The following KNDC1 variants were observed in gnomAD, a reference collection of about 807,000 sequenced individuals.
KNDC1 encodes kinase non-catalytic C-lobe domain containing 1.
A neutral mutation model predicts 172.8 loss-of-function variants in KNDC1; 106 were observed. The ratio of observed to expected loss-of-function variants is 0.61; its 90% CI spans 0.52 to 0.72. The LOEUF (loss-of-function observed/expected upper bound fraction) is 0.72. KNDC1 is among the 30% of genes least tolerant of loss of function. The pLI, the probability that KNDC1 is intolerant of heterozygous loss-of-function variation, is 0.00. For synonymous variants in KNDC1, 1,083 were observed against 1,062.2 expected (o/e 1.02, Z -0.38); for missense variants, 2,325 against 2,394.5 (o/e 0.97, Z 0.61).
chr10:133,212,856 G>C lies in KNDC1; in HGVS notation c.4377G>C (p.Lys1459Asn). The C allele has an allele frequency of 6.2e-7, 1 of 1,614,008 alleles. No homozygotes were observed. Among genetic ancestry groups the C allele is most frequent in the Non-Finnish European group, 8.5e-7 (1 of 1,179,964 alleles). Residue 1459 changes from lysine to asparagine, a missense_variant, in exon 24 of 30, where the codon AAG (lysine) becomes AAC (asparagine). By Grantham distance (94) the Lys-to-Asn change is moderately conservative. Transcript: ENST00000304613. ...FYGPCAKTSE[K>N]GPYFLTEYST... The stretch of plus-strand genomic sequence containing the variant: ...GCCCCTGCGCCAAGACCAGTGAGAA[G>C]GGGCCCTACTTCCTGACGGAGTACA...
At chr10:133,215,494 G>A (rs747804304) in intron 26 of KNDC1, among the ~76,000 whole-genome samples, 2 of 152,254 alleles carry the variant, frequency 1.3e-5, no homozygotes, top group Non-Finnish European at 2.9e-5. Flanking sequence ...CGGGGCGTGG[G>A]AACAGGGAGC....
intron 3 of KNDC1, among the ~76,000 whole-genome samples, chr10:133,183,097 G>A (rs1157873900): frequency 6.7e-6 from 1 of 149,192 alleles, no homozygotes; most frequent in Non-Finnish European, 1.5e-5. Flanking sequence ...GTGTGGACGT[G>A]GGTGGCGGCA....
In KNDC1 at chr10:133,199,576, C is replaced by G; in HGVS notation, c.2877C>G (p.Val959=). ...EKLLQNLFKV[V]NGQASPSPST... ...TGCTGCAGAACCTCTTTAAGGTGGT[C>G]AACGGGCAGGCGTCACCCTCCCCAA... is the stretch of plus-strand genomic sequence containing the variant. The change falls in exon 15 of 30, where the codon GTC becomes GTG. Residue 959 remains valine, a synonymous_variant. Transcript: ENST00000304613. 1 of 1,613,628 alleles carries G rather than the reference C, an allele frequency of 6.2e-7. No homozygotes were observed. Among genetic ancestry groups the G allele is most frequent in the Non-Finnish European group, 8.5e-7 (1 of 1,179,950 alleles).
At chr10:133,203,792 G>A (rs1007577077) in intron 17 of KNDC1, among the ~76,000 whole-genome samples, 3 of 152,248 alleles carry the variant, frequency 2.0e-5, no homozygotes, top group Admixed American at 1.3e-4. Context: ...TAGTTACCGT[G>A]GATTTATTAA....
intron 1 of KNDC1, 52 bp from the exon 2 acceptor site, chr10:133,167,328 CG>C: frequency 6.7e-7 from 1 of 1,502,928 alleles, no homozygotes. Flanking sequence ...GTGGGGGTGC[CG>C]GGGCCTGGCT....
At chr10:133,161,813 A>G (rs11101597) in intron 1 of KNDC1, among the ~76,000 whole-genome samples, 43,303 of 151,998 alleles carry the variant, frequency 0.28, 6,273 homozygotes, top group Admixed American at 0.33. Context: ...GGCGGCCCTG[A>G]GGACGCAGCT....
At chr10:133,201,367 G>A (rs1854358392) in intron 16 of KNDC1, 134 bp from the exon 17 acceptor site, 1 of 951,348 alleles carries the variant, frequency 1.1e-6, no homozygotes, top group Non-Finnish European at 1.6e-6. Flanking sequence ...CGTGCCCGGG[G>A]GGCGCCCGTG....
chr10:133,174,732 G>A (rs995306978), intron 3 of KNDC1, among the ~76,000 whole-genome samples: 1 of 151,994 alleles, frequency 6.6e-6, no homozygotes, highest in African/African-American at 2.4e-5. Context: ...TTAATATGTG[G>A]ATGGATGGGT....
chr10:133,199,435 T>C, intron 14 of KNDC1, 23 bp from the exon 15 acceptor site: 1 of 1,611,254 alleles, frequency 6.2e-7, no homozygotes, highest in Non-Finnish European at 8.5e-7. Flanking sequence ...ATCTCACTTG[T>C]CTCCATCGTT....
intron 16 of KNDC1, among the ~76,000 whole-genome samples, chr10:133,200,879 G>GGAT (rs1172361697): frequency 2.0e-5 from 3 of 152,200 alleles, no homozygotes; most frequent in African/African-American, 7.2e-5. Context: ...GTTAGCCCCA[G>GGAT]GATCCCAGGG....
At chr10:133,203,855 G>A (rs1647814414) in intron 17 of KNDC1, among the ~76,000 whole-genome samples, 1 of 152,232 alleles carries the variant, frequency 6.6e-6, no homozygotes, top group African/African-American at 2.4e-5. Flanking sequence ...CCCGCGTGAG[G>A]AGCGCCCCCG....
chr10:133,167,545 C>T lies in KNDC1; in HGVS notation c.267C>T (p.Thr89=). ...CGCCCGACACCCTGGCCTTCAACAC[C>T]AGCGGGAACGTGTGTTTCATGGAGC... ...CITPDTLAFN[T]SGNVCFMEQL... The change falls in exon 2 of 30, where the codon ACC becomes ACT. Residue 89 remains threonine (T), a synonymous_variant. Coordinates refer to ENST00000304613, the MANE Select transcript of KNDC1 (RefSeq NM_152643.8). 2.5e-6 allele frequency: 4 copies of T among 1,602,232 alleles called. No homozygotes were observed. The highest frequency in any genetic ancestry group is 3.4e-6 in the Non-Finnish European group (4 of 1,174,836).
chr10:133,206,238 G>A (rs376358696), intron 17 of KNDC1, among the ~76,000 whole-genome samples: 1 of 152,226 alleles, frequency 6.6e-6, no homozygotes, highest in African/African-American at 2.4e-5. Context: ...AAAATAAAAA[G>A]GCAGACACCT....
Position 133,207,171 on chromosome 10 carries a change from G to A in KNDC1, c.3614G>A (p.Cys1205Tyr). ...MYAERWGLEP[C>Y]TLPVIVNIAA... Reference sequence around the variant, plus strand: ...GCGGAACGCTGGGGCCTGGAGCCCTGCACCCTCCCAGTGATCGTGAACATC... The same window carrying A: ...GCGGAACGCTGGGGCCTGGAGCCCTACACCCTCCCAGTGATCGTGAACATC... Residue 1205 changes from cysteine to tyrosine, a missense_variant, in exon 20 of 30, where the codon TGC becomes TAC. Cys to Tyr is a radical substitution (Grantham distance 194, BLOSUM62 -2). Transcript: ENST00000304613. The A allele has an allele frequency of 6.2e-7, 1 of 1,605,832 alleles. No individual in the cohort carries two copies.
At chr10:133,219,769 G>A (rs1294985678) in intron 28 of KNDC1, among the ~76,000 whole-genome samples, 186 bp from the exon 29 acceptor site, 1 of 152,234 alleles carries the variant, frequency 6.6e-6, no homozygotes, top group Non-Finnish European at 1.5e-5. Flanking sequence ...GACCCCGCAG[G>A]TGTGAGCCAA....
chr10:133,167,602 G>A (rs770735047), intron 2 of KNDC1, 23 bp downstream of exon 2: 164 of 1,555,416 alleles, frequency 1.1e-4, no homozygotes, highest in Non-Finnish European at 1.3e-4. Flanking sequence ...TGGCGGTGGC[G>A]GCGGCGGCGG....
At chr10:133,204,889 A>AC (rs1194041805) in intron 17 of KNDC1, among the ~76,000 whole-genome samples, 1 of 151,184 alleles carries the variant, frequency 6.6e-6, no homozygotes. Flanking sequence ...CGCGCCTCTC[A>AC]CCTCTGCCCC....
chr10:133,194,933 A>G (rs1328773346), intron 9 of KNDC1, among the ~76,000 whole-genome samples: 1 of 152,224 alleles, frequency 6.6e-6, no homozygotes, highest in Non-Finnish European at 1.5e-5. Flanking sequence ...TGATTCAGCA[A>G]AGACGTCGCT....
At position 133,188,654 on chromosome 10, in the gene KNDC1, G is replaced by C; in HGVS notation, c.1441+1G>C. ...CTGCAGACACGCCCTGAGCACCCAG[G>C]TGACGCACGCACCATCCCATCCCCC... On this transcript the variant is annotated splice_donor_variant, in intron 7 of 29. Transcript: ENST00000304613. LOFTEE classifies it high-confidence loss of function. 6.4e-7 allele frequency: 1 copy of C among 1,565,112 alleles called. No individual in the cohort carries two copies. Among genetic ancestry groups the C allele is most frequent in the Non-Finnish European group, 8.6e-7 (1 of 1,156,968 alleles).
Sources: gnomAD v4.1 joint callset for allele counts (sites outside exome capture counted in the v4.1 genomes callset) on GRCh38, gnomAD v4.1.1 for gene constraint, MANE v1.5 for transcripts, NCBI Gene and HGNC (gene_info 2026-07-23, HGNC 2026-07-21) for gene names.